Variants in TENM2 observed in about 807,000 individuals in gnomAD.
TENM2 encodes teneurin transmembrane protein 2.
TENM2 carries 52 observed loss-of-function variants against 245.2 expected under a neutral mutation model. The observed-to-expected ratio is 0.21, with a 90% CI of 0.17 to 0.27. TENM2 has a LOEUF of 0.27. Ranked by LOEUF, TENM2 falls within the 10% of genes least tolerant of loss-of-function variation. The probability of loss-of-function intolerance (pLI) is 1.00; values close to 1 mark genes in which losing one functional copy is unlikely to be tolerated. For missense variants in TENM2, 3,046 were observed against 3,666.8 expected (o/e 0.83, Z 4.37); for synonymous variants, 1,363 against 1,438.9 (o/e 0.95, Z 1.19).
chr5:168,039,512 A>G (rs1245628093), intron 5 of TENM2, among the ~76,000 whole-genome samples: 2 of 152,122 alleles, frequency 1.3e-5, no homozygotes, highest in Non-Finnish European at 1.5e-5. Flanking sequence ...TTTTGATCAC[A>G]TGGGTCCTTT....
chr5:168,150,648 C>T (rs1756565029), intron 12 of TENM2, among the ~76,000 whole-genome samples: 1 of 152,224 alleles, frequency 6.6e-6, no homozygotes, highest in African/African-American at 2.4e-5. Flanking sequence ...AGTGTATTCT[C>T]TCCCTAAAGG....
chr5:167,925,647 A>G (rs1322735120), intron 3 of TENM2, among the ~76,000 whole-genome samples: 1 of 152,200 alleles, frequency 6.6e-6, no homozygotes. Flanking sequence ...ATAAAGAGGC[A>G]CGCACATAAA....
chr5:167,556,052 A>C (rs1455229706), intron 2 of TENM2, among the ~76,000 whole-genome samples: 1 of 152,164 alleles, frequency 6.6e-6, no homozygotes, highest in African/African-American at 2.4e-5. Flanking sequence ...TCCTATGAAC[A>C]TGTTAAATAT....
chr5:168,098,900 A>G (rs576410004), intron 9 of TENM2, among the ~76,000 whole-genome samples: 12 of 152,168 alleles, frequency 7.9e-5, no homozygotes, highest in Admixed American at 3.3e-4. Context: ...TTTCTTTTCT[A>G]TTTCATTTTT....
the TENM2 span, among the ~76,000 whole-genome samples, chr5:167,240,327 GATA>G: frequency 1.3e-5 from 2 of 151,496 alleles, no homozygotes; most frequent in Non-Finnish European, 2.9e-5. Flanking sequence ...TTTCTTTAGA[GATA>G]ATATTTGCCC....
At chr5:168,072,186 T>A (rs1393577798) in intron 7 of TENM2, among the ~76,000 whole-genome samples, 1 of 152,224 alleles carries the variant, frequency 6.6e-6, no homozygotes, top group East Asian at 1.9e-4. Flanking sequence ...TAGATGGGAA[T>A]GTGCAGTAAA....
At chr5:167,367,993 G>T (rs561856003) in intron 1 of TENM2, among the ~76,000 whole-genome samples, 1 of 151,918 alleles carries the variant, frequency 6.6e-6, no homozygotes, top group South Asian at 2.1e-4. Context: ...ACTTTAAAAT[G>T]TACGCTCTAA....
chr5:167,136,395 A>G, the TENM2 span, among the ~76,000 whole-genome samples: 2 of 152,198 alleles, frequency 1.3e-5, no homozygotes, highest in African/African-American at 4.8e-5. Flanking sequence ...AAGTAATGGC[A>G]ATGCCACCAG....
chr5:167,553,361 T>C (rs1046361101), intron 2 of TENM2, among the ~76,000 whole-genome samples: 1 of 152,132 alleles, frequency 6.6e-6, no homozygotes, highest in Admixed American at 6.5e-5. Flanking sequence ...CCTAAACTTT[T>C]GATAGTACTG....
chr5:167,323,152 T>C (rs1463753100), intron 1 of TENM2, among the ~76,000 whole-genome samples: 2 of 152,226 alleles, frequency 1.3e-5, no homozygotes, highest in African/African-American at 2.4e-5. Context: ...TAGTACAGCA[T>C]ATAGAGCTCG....
chr5:168,220,098 CTG>C (rs1192724155), intron 23 of TENM2, among the ~76,000 whole-genome samples: 1 of 152,192 alleles, frequency 6.6e-6, no homozygotes, highest in Admixed American at 6.5e-5. Context: ...CTTCAGGACA[CTG>C]TAGTTTTGAT....
chr5:167,654,726 G>C (rs1754725689), intron 2 of TENM2, among the ~76,000 whole-genome samples: 2 of 151,992 alleles, frequency 1.3e-5, no homozygotes, highest in South Asian at 4.1e-4. Flanking sequence ...TAATAGCTCT[G>C]CTAAGCAATG....
intron 1 of TENM2, among the ~76,000 whole-genome samples, chr5:167,299,696 G>A (rs1310712063): frequency 6.6e-6 from 1 of 152,130 alleles, no homozygotes; most frequent in African/African-American, 2.4e-5. Flanking sequence ...GTGTGATCAG[G>A]GTGAGGAACA....
At chr5:167,319,297 AG>A (rs1156558587) in intron 1 of TENM2, among the ~76,000 whole-genome samples, 1 of 152,118 alleles carries the variant, frequency 6.6e-6, no homozygotes, top group East Asian at 1.9e-4. Context: ...TCTCAGTTTC[AG>A]GGTTTTCGTT....
the TENM2 span, among the ~76,000 whole-genome samples, chr5:167,262,165 C>T: frequency 6.6e-6 from 1 of 152,158 alleles, no homozygotes; most frequent in Non-Finnish European, 1.5e-5. Context: ...ATCAGACCAG[C>T]CTGACCAACA....
chr5:168,140,549 CGT>C (rs1755452308), intron 12 of TENM2, among the ~76,000 whole-genome samples: 1 of 152,132 alleles, frequency 6.6e-6, no homozygotes, highest in Admixed American at 6.5e-5. Flanking sequence ...TGTGTGCATG[CGT>C]GTGTGTGCGC....
chr5:167,884,670 G>A (rs561746429), intron 3 of TENM2, among the ~76,000 whole-genome samples: 71 of 152,132 alleles, frequency 4.7e-4, no homozygotes, highest in African/African-American at 1.4e-3. Flanking sequence ...TAGACACTTC[G>A]GTGGTTTCTA....
At chr5:167,025,530 T>G in the TENM2 span, among the ~76,000 whole-genome samples, 2 of 152,212 alleles carry the variant, frequency 1.3e-5, no homozygotes, top group Non-Finnish European at 2.9e-5. Flanking sequence ...TTAGCCACAT[T>G]TCAGGTGTTC....
intron 12 of TENM2, among the ~76,000 whole-genome samples, chr5:168,158,577 G>A (rs1454649739): frequency 6.6e-6 from 1 of 151,582 alleles, no homozygotes; most frequent in Non-Finnish European, 1.5e-5. Flanking sequence ...GGCCTGTCCT[G>A]TGCATTGTAG....
Sources: gnomAD v4.1 joint callset for allele counts (sites outside exome capture counted in the v4.1 genomes callset) on GRCh38, gnomAD v4.1.1 for gene constraint, MANE v1.5 for transcripts, NCBI Gene and HGNC (gene_info 2026-07-23, HGNC 2026-07-21) for gene names.